COL14A1: variants seen among roughly 807,000 people sequenced by gnomAD.
COL14A1 encodes collagen alpha-1(XIV) chain.
Under a neutral mutation model 230.3 loss-of-function variants are expected in COL14A1, and 136 were observed. That is an observed-to-expected ratio of 0.59 (90% confidence interval 0.51 to 0.68). The LOEUF is 0.68. Among genes scored for constraint, COL14A1 ranks in the 30% least tolerant of loss-of-function variants. The probability of loss-of-function intolerance (pLI) is 0.00; values close to 1 mark genes in which losing one functional copy is unlikely to be tolerated. For missense variants in COL14A1, 1,976 were observed against 2,215.8 expected, an observed-to-expected ratio of 0.89 and a Z score of 2.17; for synonymous variants, 792 against 784.1, an observed-to-expected ratio of 1.01 and a Z score of -0.17.
chr8:120,351,625 C>T (rs1262347872), intron 45 of COL14A1, among the ~76,000 whole-genome samples: 3 of 140,366 alleles, frequency 2.1e-5, no homozygotes, highest in Non-Finnish European at 4.6e-5. Flanking sequence ...TGCAAATAAA[C>T]TAGAAAATCT....
intron 22 of COL14A1, among the ~76,000 whole-genome samples, chr8:120,252,289 C>T (rs1375336084): frequency 1.3e-5 from 2 of 152,184 alleles, no homozygotes; most frequent in South Asian, 2.1e-4. Context: ...GCACCCGTCA[C>T]TGGAGCACTG....
At chr8:120,203,962 T>C (rs1439434310) in intron 9 of COL14A1, 92 bp downstream of exon 9, 2 of 1,372,654 alleles carry the variant, frequency 1.5e-6, no homozygotes, top group African/African-American at 1.4e-5. Context: ...TTTTTCATGT[T>C]GGCTTTTTGA....
chr8:120,228,105 C>T lies in COL14A1; in HGVS notation c.2138-605C>T, dbSNP rs138445019. Among the ~76,000 whole-genome samples, 431 of 152,234 alleles carry T rather than the reference C, an allele frequency of 2.8e-3. 5 individuals are homozygous for T. Among genetic ancestry groups the T allele is most frequent in the African/African-American group, 9.6e-3 (397 of 41,544 alleles). Reference sequence around the variant, plus strand: ...CTGAGACTTCATACCCTTGCATCCCCAGTCGCTGGAGGTGAGCCATTCCCT... The same window carrying T: ...CTGAGACTTCATACCCTTGCATCCCTAGTCGCTGGAGGTGAGCCATTCCCT... On this transcript the variant is annotated intron_variant, in intron 17 of 47. Transcript: ENST00000297848.
chr8:120,316,937 T>TAG (rs1332489229), intron 40 of COL14A1, among the ~76,000 whole-genome samples: 2 of 152,124 alleles, frequency 1.3e-5, no homozygotes, highest in African/African-American at 4.8e-5. Flanking sequence ...GAGAAGAAGT[T>TAG]AGAGAGGTAA....
rs13439152 is a variant in COL14A1 at position 120,151,944 on chromosome 8, A to G, written c.88+4014A>G. Among the ~76,000 whole-genome samples the G allele has an allele frequency of 2.7e-3, 415 of 152,144 alleles. 3 individuals are homozygous for G. The highest frequency in any genetic ancestry group is 9.7e-3 in the African/African-American group (403 of 41,520). The stretch of plus-strand genomic sequence containing the variant: ...CTGCTGGCTTTGAAGATGGAAAGAG[A>G]CCACAAGTCAAGGAATGTGAGAAGC... On this transcript the variant is annotated intron_variant, in intron 2 of 47. Coordinates refer to ENST00000297848, the MANE Select transcript of COL14A1 (RefSeq NM_021110.4).
intron 33 of COL14A1, among the ~76,000 whole-genome samples, chr8:120,288,851 G>A (rs1035705076): frequency 6.6e-6 from 1 of 152,122 alleles, no homozygotes; most frequent in African/African-American, 2.4e-5. Flanking sequence ...GTACTCGTGA[G>A]GTTAATGCCA....
At chr8:120,364,234 A>G (rs1242147118) in intron 45 of COL14A1, among the ~76,000 whole-genome samples, 1 of 152,174 alleles carries the variant, frequency 6.6e-6, no homozygotes, top group East Asian at 1.9e-4. Flanking sequence ...CTATAAAAAA[A>G]TGACTTTATA....
intron 45 of COL14A1, among the ~76,000 whole-genome samples, chr8:120,366,857 A>G (rs552026704): frequency 6.6e-6 from 1 of 152,352 alleles, no homozygotes; most frequent in Non-Finnish European, 1.5e-5. Context: ...GCATAAGTCC[A>G]GTGGCCTGGT....
chr8:120,126,744 C>T (rs1814354033), intron 1 of COL14A1, among the ~76,000 whole-genome samples: 1 of 152,162 alleles, frequency 6.6e-6, no homozygotes, highest in Non-Finnish European at 1.5e-5. Context: ...CTGTTTCTGA[C>T]AGCATGGTCC....
chr8:120,153,246 G>A (rs1251378673), intron 2 of COL14A1, among the ~76,000 whole-genome samples: 1 of 152,180 alleles, frequency 6.6e-6, no homozygotes, highest in Non-Finnish European at 1.5e-5. Flanking sequence ...AGGCTGGAGT[G>A]CAGTGGTGCG....
chr8:120,213,387 A>C (rs1586771559), intron 13 of COL14A1, among the ~76,000 whole-genome samples: 1 of 152,288 alleles, frequency 6.6e-6, no homozygotes, highest in East Asian at 1.9e-4. Context: ...CGGGAGATGA[A>C]TAGCACAATT....
chr8:120,178,736 CTGT>C (rs1816367943), intron 5 of COL14A1, among the ~76,000 whole-genome samples: 1 of 152,196 alleles, frequency 6.6e-6, no homozygotes, highest in South Asian at 2.1e-4. Context: ...TCTCTAGCAT[CTGT>C]TGTTTCCTGA....
At chr8:120,232,332 A>G (rs889408287) in intron 19 of COL14A1, among the ~76,000 whole-genome samples, 1 of 152,070 alleles carries the variant, frequency 6.6e-6, no homozygotes, top group Non-Finnish European at 1.5e-5. Context: ...GGTTTTTTAC[A>G]TAGGTATACA....
At position 120,199,423 on chromosome 8, in the gene COL14A1, T is replaced by C; in HGVS notation, c.734T>C (p.Phe245Ser). 1 of 1,602,506 alleles carries C rather than the reference T, an allele frequency of 6.2e-7. No individual in the cohort carries two copies. Among genetic ancestry groups the C allele is most frequent in the Non-Finnish European group, 8.5e-7 (1 of 1,176,560 alleles). ...TLTGLALNYI[F>S]ENSFKPEAGS... ...CAAGGTCTTGCTTTGAACTACATTT[T>C]TGAAAATAGCTTCAAACCAGAAGCA... Residue 245 changes from phenylalanine to serine, a missense_variant, in exon 8 of 48, where the codon TTT (phenylalanine) becomes TCT (serine). Physicochemically the swap from Phe to Ser is radical, Grantham distance 155 (BLOSUM62 -2). Around this residue, in one of 3 missense-constraint regions of COL14A1, gnomAD observed 1,791 missense variants for 2,019.5 expected, o/e 0.89. Coordinates refer to ENST00000297848, the MANE Select transcript of COL14A1 (RefSeq NM_021110.4).
At chr8:120,238,587 G>A (rs1484339551) in intron 19 of COL14A1, among the ~76,000 whole-genome samples, 1 of 152,180 alleles carries the variant, frequency 6.6e-6, no homozygotes, top group African/African-American at 2.4e-5. Context: ...TGGGATCCCT[G>A]GCTTCAGCCC....
At chr8:120,173,952 A>C (rs532438330) in intron 5 of COL14A1, among the ~76,000 whole-genome samples, 28 of 152,278 alleles carry the variant, frequency 1.8e-4, no homozygotes, top group African/African-American at 4.8e-4. Context: ...CTGTGTTCAA[A>C]AGGATCTTGG....
At chr8:120,363,445 G>A (rs1823298822) in intron 45 of COL14A1, among the ~76,000 whole-genome samples, 1 of 152,190 alleles carries the variant, frequency 6.6e-6, no homozygotes, top group Non-Finnish European at 1.5e-5. Context: ...GGGAGGAAGA[G>A]CATCAGGACA....
chr8:120,153,692 A>G (rs1429192423), intron 2 of COL14A1, among the ~76,000 whole-genome samples: 2 of 152,238 alleles, frequency 1.3e-5, no homozygotes, highest in Non-Finnish European at 2.9e-5. Flanking sequence ...TGTGAATAAA[A>G]TAAATTTTCT....
intron 33 of COL14A1, 148 bp downstream of exon 33, chr8:120,286,118 A>T: frequency 3.4e-6 from 2 of 596,766 alleles, no homozygotes; most frequent in Non-Finnish European, 5.9e-6. Context: ...GTGCTTGTTA[A>T]CAGATTCTGA....
Sources: gnomAD v4.1 joint callset for allele counts (sites outside exome capture counted in the v4.1 genomes callset) on GRCh38, gnomAD v4.1.1 for gene constraint, gnomAD v4.1.1 regional missense constraint, MANE v1.5 for transcripts, NCBI Gene and HGNC (gene_info 2026-07-23, HGNC 2026-07-21) for gene names.